CD96: variants seen among roughly 807,000 people sequenced by gnomAD.
CD96 encodes T-cell surface protein tactile.
Under a neutral mutation model 71.3 loss-of-function variants are expected in CD96, and 70 were observed. The observed-to-expected ratio is 0.98, with a 90% CI of 0.81 to 1.20. CD96 has a LOEUF of 1.20. CD96 is among the 50% of genes most tolerant of loss of function. The pLI is 0.00. For synonymous variants in CD96, 248 were observed against 233.0 expected (o/e 1.06, Z -0.59); for missense variants, 742 against 677.5 (o/e 1.10, Z -1.06).
chr3:111,661,281 C>G (rs891777360), intron 14 of CD96, among the ~76,000 whole-genome samples: 2 of 152,190 alleles, frequency 1.3e-5, no homozygotes, highest in Admixed American at 6.5e-5. Context: ...TCTCCCAACA[C>G]TGGAAATTAC....
intron 14 of CD96, among the ~76,000 whole-genome samples, chr3:111,660,832 A>G (rs1940336409): frequency 6.6e-6 from 1 of 152,242 alleles, no homozygotes; most frequent in African/African-American, 2.4e-5. Context: ...AAGACCAAAG[A>G]TGGACTCCTA....
chr3:111,608,988 C>G (rs1937767716), intron 8 of CD96, among the ~76,000 whole-genome samples: 1 of 152,074 alleles, frequency 6.6e-6, no homozygotes, highest in African/African-American at 2.4e-5. Flanking sequence ...AGGTACAAAC[C>G]AGTAAGTATT....
In CD96 at chr3:111,612,850, A is replaced by C. The variant is rs934933666; in HGVS notation, c.1180+6058A>C. The C allele has an allele frequency of 9.2e-6, 9 of 976,424 alleles. No individual in the cohort carries two copies. In the African/African-American group the frequency reaches 1.4e-4, roughly 15 times the overall value. 60.5% of individuals were successfully genotyped at this position (976,424 alleles called of 1,614,324 possible). On this transcript the variant is annotated intron_variant, in intron 8 of 13. Coordinates refer to ENST00000352690, the MANE Select transcript of CD96 (RefSeq NM_005816.5). ...CCAGTGTTTTCCTGAGACATGCAGCATCTGAGAGTGAAGATAACATTTCCT... is the reference window on the plus strand; with the variant it reads ...CCAGTGTTTTCCTGAGACATGCAGCCTCTGAGAGTGAAGATAACATTTCCT...
chr3:111,637,868 G>C (rs1038073661), intron 11 of CD96, among the ~76,000 whole-genome samples: 2 of 150,776 alleles, frequency 1.3e-5, no homozygotes, highest in African/African-American at 4.9e-5. Flanking sequence ...CAACCACTAG[G>C]AAATTTTATT....
At chr3:111,577,277 A>G (rs1936260281) in intron 3 of CD96, among the ~76,000 whole-genome samples, 1 of 152,194 alleles carries the variant, frequency 6.6e-6, no homozygotes, top group Admixed American at 6.5e-5. Context: ...TTTCAACTCT[A>G]AAATCCTGAC....
At chr3:111,613,907 T>A (rs1366572534) in intron 8 of CD96, among the ~76,000 whole-genome samples, 2 of 152,264 alleles carry the variant, frequency 1.3e-5, no homozygotes, top group Non-Finnish European at 2.9e-5. Flanking sequence ...CTTGGTTGAT[T>A]AAATAAGCTA....
intron 12 of CD96, among the ~76,000 whole-genome samples, chr3:111,641,780 T>A (rs1177572858): frequency 1.3e-5 from 2 of 152,064 alleles, no homozygotes. Context: ...TTAAGAAAAC[T>A]GAAATTATAT....
chr3:111,621,476 A>T (rs748894159), intron 8 of CD96, among the ~76,000 whole-genome samples: 38 of 152,046 alleles, frequency 2.5e-4, no homozygotes, highest in Non-Finnish European at 4.9e-4. Context: ...TCTTCTATAT[A>T]ATTTTTACCT....
At chr3:111,625,460 A>C (rs1285215274) in intron 10 of CD96, among the ~76,000 whole-genome samples, 1 of 152,202 alleles carries the variant, frequency 6.6e-6, no homozygotes, top group Non-Finnish European at 1.5e-5. Context: ...GGAGCATAGA[A>C]AGAAATCTAA....
chr3:111,612,438 TATA>T (rs1234194894), intron 8 of CD96, among the ~76,000 whole-genome samples: 1 of 152,264 alleles, frequency 6.6e-6, no homozygotes, highest in Non-Finnish European at 1.5e-5. Context: ...GCCATGATTG[TATA>T]ATAATACTAA....
intron 12 of CD96, among the ~76,000 whole-genome samples, chr3:111,643,735 C>CA (rs56078551): frequency 0.63 from 80,932 of 128,004 alleles, 26,093 homozygotes; most frequent in Middle Eastern, 0.75. Context: ...ACAATAGCTG[C>CA]AAAAAAAAAA....
chr3:111,653,028 G>A (rs112074609), downstream of CD96, among the ~76,000 whole-genome samples: 1,204 of 152,084 alleles, frequency 7.9e-3, 18 homozygotes, highest in African/African-American at 0.027. Flanking sequence ...TCATATGTTC[G>A]TTTCCTTACC....
intron 5 of CD96, among the ~76,000 whole-genome samples, chr3:111,588,336 C>T (rs996503198): frequency 6.6e-6 from 1 of 152,184 alleles, no homozygotes; most frequent in Non-Finnish European, 1.5e-5. Context: ...CATCTTTGCT[C>T]CAGTTCCCAA....
intron 12 of CD96, among the ~76,000 whole-genome samples, chr3:111,638,683 G>A (rs1004864339): frequency 6.6e-6 from 1 of 152,192 alleles, no homozygotes; most frequent in Non-Finnish European, 1.5e-5. Context: ...TGAAGGTCAT[G>A]ATTGTAAGTT....
intron 8 of CD96, among the ~76,000 whole-genome samples, chr3:111,617,751 A>G (rs1938315211): frequency 6.6e-6 from 1 of 152,164 alleles, no homozygotes. Flanking sequence ...AGAACTTGGG[A>G]CCTACTGAAT....
At chr3:111,603,444 C>T (rs1420896834) in intron 7 of CD96, among the ~76,000 whole-genome samples, 1 of 132,780 alleles carries the variant, frequency 7.5e-6, no homozygotes, top group Non-Finnish European at 1.6e-5. Flanking sequence ...GGCTTTGTCT[C>T]AAAAAAAAAA....
chr3:111,628,618 A>G (rs1479337311), intron 10 of CD96, among the ~76,000 whole-genome samples: 1 of 152,224 alleles, frequency 6.6e-6, no homozygotes, highest in African/African-American at 2.4e-5. Context: ...GAACTTCACC[A>G]ACCTAGCAAT....
chr3:111,567,654 G>T lies in CD96; in HGVS notation c.543+7G>T. ...CACCTATGCATGGTCGGTGGTAAGT[G>T]TTGCCCTTTTCAGTGAATAACCTCA... On this transcript the variant is annotated splice_region_variant and intron_variant, in intron 3 of 13. Transcript: ENST00000352690. 6.2e-7 allele frequency: 1 copy of T among 1,612,664 alleles called. No individual in the cohort carries two copies. Among genetic ancestry groups the T allele is most frequent in the East Asian group, 2.2e-5 (1 of 44,858 alleles).
At position 111,542,241 on chromosome 3, in the gene CD96, A is replaced by G. The variant is rs1934129878; in HGVS notation, c.-8A>G. ...ACAGAAATGCTGGTGTAAGGTGTTC[A>G]GAAGACAATGGAGAAAAAATGGAAA... On this transcript the variant is annotated 5_prime_UTR_variant, in exon 1 of 14. Transcript: ENST00000352690. 4 of 1,612,080 alleles carry G rather than the reference A, an allele frequency of 2.5e-6. No homozygotes were observed. The East Asian group carries it at 8.9e-5, about 36-fold the overall frequency.
Sources: gnomAD v4.1 joint callset for allele counts (sites outside exome capture counted in the v4.1 genomes callset) on GRCh38, gnomAD v4.1.1 for gene constraint, MANE v1.5 for transcripts, NCBI Gene and HGNC (gene_info 2026-07-23, HGNC 2026-07-21) for gene names.